Variants in BRF1 observed in about 807,000 individuals in gnomAD.
BRF1 encodes the protein BRF1 general transcription factor IIIB subunit, also known as transcription factor IIIB 90 kDa subunit.
In BRF1, 59 loss-of-function variants were observed where a neutral mutation model predicts 81.7. That is an observed-to-expected ratio of 0.72 (90% CI 0.59 to 0.90). BRF1 has a LOEUF of 0.90. Ranked by LOEUF, BRF1 falls within the 40% of genes least tolerant of loss-of-function variation. The probability of loss-of-function intolerance (pLI) is 0.00; values close to 1 mark genes in which losing one functional copy is unlikely to be tolerated. For missense variants in BRF1, 1,050 were observed against 936.3 expected (o/e 1.12, Z -1.58); for synonymous variants, 491 against 395.6 (o/e 1.24, Z -2.86).
intron 2 of BRF1, among the ~76,000 whole-genome samples, chr14:105,281,420 G>A (rs1379680344): frequency 8.1e-6 from 1 of 123,702 alleles, no homozygotes; most frequent in Non-Finnish European, 1.7e-5. Context: ...GCCCAGGTGT[G>A]AGGTGGAGGC....
chr14:105,263,940 G>C (rs902591388), intron 3 of BRF1, among the ~76,000 whole-genome samples: 1 of 145,872 alleles, frequency 6.9e-6, no homozygotes, highest in Non-Finnish European at 1.5e-5. Flanking sequence ...AAAAAAAAAA[G>C]AAAAGTTAAA....
At chr14:105,262,855 G>A (rs147019963) in intron 3 of BRF1, among the ~76,000 whole-genome samples, 187 of 152,136 alleles carry the variant, frequency 1.2e-3, no homozygotes, top group Non-Finnish European at 1.6e-3. Context: ...CTAATAAGCT[G>A]TCATAGTCTG....
intron 6 of BRF1, among the ~76,000 whole-genome samples, chr14:105,229,582 A>G (rs2054390866): frequency 6.6e-6 from 1 of 152,230 alleles, no homozygotes; most frequent in Non-Finnish European, 1.5e-5. Flanking sequence ...TGAGAGTCTG[A>G]GTGACAGCTG....
intron 3 of BRF1, among the ~76,000 whole-genome samples, chr14:105,265,045 C>CTTTTTTTTT (rs587772604): frequency 7.4e-5 from 10 of 135,176 alleles, no homozygotes; most frequent in African/African-American, 2.7e-4. Context: ...TCTACTTATC[C>CTTTTTTTTT]TTTTTTTTGT....
At chr14:105,278,515 A>C (rs1427563338) in intron 2 of BRF1, among the ~76,000 whole-genome samples, 1 of 152,180 alleles carries the variant, frequency 6.6e-6, no homozygotes, top group East Asian at 1.9e-4. Context: ...AGGAAAACAC[A>C]AGAGTATCTT....
At position 105,249,715 on chromosome 14, in the gene BRF1, C is replaced by T. The variant is rs1199219207; in HGVS notation, c.544+2792G>A. 9.3e-6 allele frequency: 15 copies of T among 1,613,690 alleles called. No homozygotes were observed. In the African/African-American group the frequency reaches 1.6e-4, roughly 17 times the overall value. ...CTCTGTACGCTGCTAAGAAGTACAT[C>T]GTCCCAGCATTGGCAAAAGCCTGTG... On this transcript the variant is annotated intron_variant, in intron 5 of 17. Coordinates refer to ENST00000547530, the MANE Select transcript of BRF1 (RefSeq NM_001519.4).
intron 5 of BRF1, chr14:105,241,676 T>A: frequency 1.9e-6 from 1 of 532,422 alleles, no homozygotes; most frequent in African/African-American, 1.9e-5. Flanking sequence ...TCCTACTGCA[T>A]GGCCGCCCTG....
intron 15 of BRF1, among the ~76,000 whole-genome samples, chr14:105,215,059 C>T (rs1890865742): frequency 6.6e-6 from 1 of 152,208 alleles, no homozygotes; most frequent in Admixed American, 6.5e-5. Context: ...ATGCTTCCGT[C>T]TTAGAACACT....
intron 1 of BRF1, among the ~76,000 whole-genome samples, chr14:105,294,258 G>A (rs929996825): frequency 1.5e-4 from 23 of 152,224 alleles, no homozygotes; most frequent in African/African-American, 4.3e-4. Flanking sequence ...TGGTTGCTGG[G>A]CCTGCGCCTC....
At chr14:105,286,456 A>C in intron 1 of BRF1, 80 bp from the exon 2 acceptor site, 2 of 1,406,988 alleles carry the variant, frequency 1.4e-6, no homozygotes, top group Non-Finnish European at 2.0e-6. Context: ...CACAGACACA[A>C]AGTGAGAACA....
intron 3 of BRF1, among the ~76,000 whole-genome samples, chr14:105,261,820 G>A (rs113717323): frequency 6.6e-5 from 10 of 152,326 alleles, no homozygotes; most frequent in South Asian, 6.2e-4. Context: ...GGGGGACTGC[G>A]GCGCCCACAC....
chr14:105,283,459 TG>T (rs1261324960), intron 2 of BRF1, among the ~76,000 whole-genome samples: 1 of 151,950 alleles, frequency 6.6e-6, no homozygotes, highest in Non-Finnish European at 1.5e-5. Context: ...TCAAGAGGGG[TG>T]GGGGCCCCGC....
intron 16 of BRF1, 83 bp downstream of exon 16, chr14:105,212,030 G>A: frequency 1.9e-6 from 3 of 1,558,150 alleles, no homozygotes; most frequent in Non-Finnish European, 2.6e-6. Context: ...CTCTCCCTGT[G>A]GTCACAGACC....
At chr14:105,287,631 G>A (rs2057363791) in intron 1 of BRF1, among the ~76,000 whole-genome samples, 1 of 152,192 alleles carries the variant, frequency 6.6e-6, no homozygotes, top group African/African-American at 2.4e-5. Context: ...AGGCCCTCCA[G>A]GGAAACCATG....
intron 3 of BRF1, among the ~76,000 whole-genome samples, chr14:105,270,028 G>A (rs1018482511): frequency 2.0e-5 from 3 of 152,166 alleles, no homozygotes; most frequent in East Asian, 1.9e-4. Context: ...GACAGCAGGC[G>A]GGGCGGGCAG....
chr14:105,211,128 T>C lies in BRF1; in HGVS notation c.1990A>G (p.Ser664Gly). 1 of 1,612,632 alleles carries C rather than the reference T, an allele frequency of 6.2e-7. No individual in the cohort carries two copies. The highest frequency in any genetic ancestry group is 8.5e-7 in the Non-Finnish European group (1 of 1,179,900). Reference sequence around the variant, plus strand: ...GTTGTCGGGCCCCACCCACCGTTGCTGCCCATCATCTGCAGGGCACTGACG... The same window carrying C: ...GTTGTCGGGCCCCACCCACCGTTGCCGCCCATCATCTGCAGGGCACTGACG... Reference protein sequence around the residue: ...PCVSALQMMGSNDYGCDGDED... With the variant: ...PCVSALQMMGGNDYGCDGDED... The change falls in exon 17 of 18, where the codon AGC becomes GGC. Residue 664 changes from serine (S) to glycine (G), a missense_variant. Ser to Gly is a moderately conservative substitution (Grantham distance 56, BLOSUM62 0). Coordinates refer to ENST00000547530, the MANE Select transcript of BRF1 (RefSeq NM_001519.4).
rs1171624062 is a variant in BRF1, at chr14:105,252,633, G to C, written c.472-54C>G. On this transcript the variant is annotated intron_variant, in intron 4 of 17. Transcript: ENST00000547530. ...AGCATTGGTATTTAAGGAAATGTTT[G>C]CTTTTTTTCTCTTAAAATGCATCTC... 8.9e-6 allele frequency: 14 copies of C among 1,573,214 alleles called. No homozygotes were observed. In the East Asian group the frequency reaches 2.9e-4, roughly 33 times the overall value.
rs587633171 is a variant in BRF1 at position 105,274,291 on chromosome 14, A to G, written c.266-1397T>C. 1.4e-3 allele frequency among the ~76,000 whole-genome samples: 216 copies of G among 152,244 alleles called. 1 individual carries two copies. The highest frequency in any genetic ancestry group is 5.1e-3 in the African/African-American group (210 of 41,536). On this transcript the variant is annotated intron_variant, in intron 2 of 17. Coordinates refer to ENST00000547530, the MANE Select transcript of BRF1 (RefSeq NM_001519.4). ...TTCTTGCTGAGATAGTGAAAATAAT[A>G]ATCAATAAAAACTGAGGGAACTCAG...
At position 105,221,715 on chromosome 14, in the gene BRF1, GGGGAGGGGGTCCAGCA is replaced by G; in HGVS notation, c.1232_1247del (p.Leu411ProfsTer47). ...CTGAGATGCCCAGGCTGGCTGCAGT[GGGGAGGGGGTCCAGCA>G]GGGACCCCAGGGCCGGAGGTCTGCC... On this transcript the variant is annotated frameshift_variant, in exon 11 of 18. Coordinates refer to ENST00000547530, the MANE Select transcript of BRF1 (RefSeq NM_001519.4). LOFTEE classifies it high-confidence loss of function. 6.2e-7 allele frequency: 1 copy of G among 1,611,438 alleles called. No homozygotes were observed. The highest frequency in any genetic ancestry group is 8.5e-7 in the Non-Finnish European group (1 of 1,179,788).
Sources: allele counts gnomAD v4.1 joint callset (sites outside exome capture counted in the v4.1 genomes callset), GRCh38; gene constraint gnomAD v4.1.1; transcripts MANE v1.5; gene names NCBI Gene and HGNC (gene_info 2026-07-23, HGNC 2026-07-21).